The following TATDN2 variants were observed in gnomAD, a reference collection of about 807,000 sequenced individuals.
TATDN2 encodes 3'-5' RNA nuclease TATDN2.
A neutral mutation model predicts 60.3 loss-of-function variants in TATDN2; 44 were observed. That is an observed-to-expected ratio of 0.73 (90% CI 0.57 to 0.94). The LOEUF (loss-of-function observed/expected upper bound fraction) is 0.94. Among genes scored for constraint, TATDN2 ranks in the 40% least tolerant of loss-of-function variants. TATDN2 has a pLI of 0.00. For missense variants in TATDN2, 997 were observed against 948.0 expected (o/e 1.05, Z -0.68); for synonymous variants, 399 against 355.8 (o/e 1.12, Z -1.37).
intron 2 of TATDN2, among the ~76,000 whole-genome samples, chr3:10,252,073 A>G (rs1389838773): frequency 1.4e-5 from 2 of 146,654 alleles, no homozygotes; most frequent in African/African-American, 5.0e-5. Context: ...GCATGAACCC[A>G]GGAGGCAGAG....
chr3:10,261,364 T>C (rs1020531835), intron 3 of TATDN2, among the ~76,000 whole-genome samples: 3 of 121,390 alleles, frequency 2.5e-5, no homozygotes, highest in Non-Finnish European at 4.9e-5. Context: ...TCCATCTTTT[T>C]CTTTTTTTTT....
intron 4 of TATDN2, among the ~76,000 whole-genome samples, chr3:10,274,708 A>C (rs1171730500): frequency 6.6e-6 from 1 of 152,224 alleles, no homozygotes. Flanking sequence ...GCCTCTGTCA[A>C]GCAGTCTATA....
At chr3:10,259,582 A>G (rs1402853534) in intron 2 of TATDN2, among the ~76,000 whole-genome samples, 1 of 152,248 alleles carries the variant, frequency 6.6e-6, no homozygotes, top group Non-Finnish European at 1.5e-5. Context: ...ACCCTGGTGC[A>G]GTCACTGAGA....
intron 4 of TATDN2, among the ~76,000 whole-genome samples, chr3:10,272,704 A>G (rs1698584021): frequency 6.6e-6 from 1 of 152,052 alleles, no homozygotes; most frequent in African/African-American, 2.4e-5. Context: ...AGCCTGGCCA[A>G]CGTGGCGAAA....
chr3:10,259,193 C>G (rs1028461623), intron 2 of TATDN2, among the ~76,000 whole-genome samples: 1 of 151,424 alleles, frequency 6.6e-6, no homozygotes, highest in African/African-American at 2.4e-5. Flanking sequence ...GATGGGGTTT[C>G]GCCATGTTGG....
At chr3:10,256,492 T>C (rs1197677324) in intron 2 of TATDN2, among the ~76,000 whole-genome samples, 1 of 152,074 alleles carries the variant, frequency 6.6e-6, no homozygotes, top group African/African-American at 2.4e-5. Flanking sequence ...TTTTTTTTAT[T>C]GAACGCTAAA....
At chr3:10,251,447 A>G (rs1344690759) in intron 2 of TATDN2, among the ~76,000 whole-genome samples, 1 of 152,080 alleles carries the variant, frequency 6.6e-6, no homozygotes, top group Non-Finnish European at 1.5e-5. Context: ...CTGCAGTGGC[A>G]TGATCTCTGC....
chr3:10,257,093 A>G (rs1244454051), intron 2 of TATDN2, among the ~76,000 whole-genome samples: 1 of 147,524 alleles, frequency 6.8e-6, no homozygotes, highest in Admixed American at 6.7e-5. Context: ...TTAGGCCAAC[A>G]TGGTGAAACC....
intron 2 of TATDN2, among the ~76,000 whole-genome samples, chr3:10,252,855 A>AAT: frequency 8.9e-6 from 1 of 112,018 alleles, no homozygotes; most frequent in South Asian, 3.1e-4. Context: ...TGCCTGGCTA[A>AAT]TTTTTTTTTT....
rs769513602 is a variant in TATDN2 at position 10,260,618 on chromosome 3, C to T, written c.896C>T (p.Ser299Phe). 2.5e-6 allele frequency: 4 copies of T among 1,614,162 alleles called. No homozygotes were observed. Among genetic ancestry groups the T allele is most frequent in the Admixed American group, 3.3e-5 (2 of 60,018 alleles). ...CGAAGGACTGTCATTGACAAATGCT[C>T]TCCACCCCTAGAGTTCTTGGATGAC... is the stretch of plus-strand genomic sequence containing the variant. Reference protein sequence around the residue: ...GDRRTVIDKCSPPLEFLDDSD... With the variant: ...GDRRTVIDKCFPPLEFLDDSD... Residue 299 changes from serine to phenylalanine, a missense_variant, in exon 3 of 8, where the codon TCT becomes TTT. Ser to Phe is a radical substitution (Grantham distance 155). Coordinates refer to ENST00000448281, the MANE Select transcript of TATDN2 (RefSeq NM_014760.4).
intron 3 of TATDN2, among the ~76,000 whole-genome samples, chr3:10,264,920 T>G (rs1300270214): frequency 6.6e-6 from 1 of 150,874 alleles, no homozygotes; most frequent in African/African-American, 2.4e-5. Flanking sequence ...AGGTGATCTA[T>G]CCGCCTCGGC....
At chr3:10,262,051 G>GTTTTTCCTTTGGT (rs1409484622) in intron 3 of TATDN2, among the ~76,000 whole-genome samples, 3 of 152,108 alleles carry the variant, frequency 2.0e-5, no homozygotes, top group African/African-American at 7.2e-5. Context: ...TCATTACTTT[G>GTTTTTCCTTTGGT]TTTTTCCTTT....
intron 4 of TATDN2, among the ~76,000 whole-genome samples, chr3:10,273,624 G>C (rs1338505295): frequency 1.3e-5 from 2 of 151,798 alleles, no homozygotes; most frequent in African/African-American, 4.8e-5. Context: ...CCTGTGGAAG[G>C]TCTGTATCTG....
intron 2 of TATDN2, among the ~76,000 whole-genome samples, chr3:10,254,963 C>T (rs1412076017): frequency 1.3e-5 from 2 of 151,852 alleles, no homozygotes; most frequent in Non-Finnish European, 2.9e-5. Context: ...GAGTGTTTCT[C>T]ACTTTCTCTC....
chr3:10,278,938 C>G lies in TATDN2; in HGVS notation c.2199C>G (p.Val733=), dbSNP rs770348832. The change falls in exon 7 of 8, where the codon GTC becomes GTG. Residue 733 remains valine (V), a synonymous_variant. Transcript: ENST00000448281. This position sits in a 1 kb window ranked among gnomAD's most constrained non-coding sequence, Gnocchi z 4.7. ...YAHPGLALHT[V]REIARVKDQP... Reference sequence around the variant, plus strand: ...ACCCGGGCCTGGCCTTGCATACGGTCCGAGAGATTGCCAGAGTCAAAGATC... The same window carrying G: ...ACCCGGGCCTGGCCTTGCATACGGTGCGAGAGATTGCCAGAGTCAAAGATC... The G allele has an allele frequency of 6.2e-7, 1 of 1,613,622 alleles. No individual in the cohort carries two copies. The highest frequency in any genetic ancestry group is 2.2e-5 in the East Asian group (1 of 44,876).
rs1698703367 is a variant in TATDN2, at chr3:10,279,858, T to A, written c.*676T>A. 6.5e-6 allele frequency: 1 copy of A among 153,470 alleles called. No homozygotes were observed. The highest frequency in any genetic ancestry group is 2.4e-5 in the African/African-American group (1 of 41,430). 9.5% of individuals were successfully genotyped at this position (153,470 alleles called of 1,614,324 possible). A position where few individuals can be genotyped will look rare whatever the true frequency, so the allele number is the denominator to read the frequency against. On this transcript the variant is annotated 3_prime_UTR_variant, in exon 8 of 8. Transcript: ENST00000448281. Reference sequence around the variant, plus strand: ...GGTGCAGAGGAGCACTCATTGTCCATGATGGAGATCCAGGACAGACTGGGG... The same window carrying A: ...GGTGCAGAGGAGCACTCATTGTCCAAGATGGAGATCCAGGACAGACTGGGG...
At position 10,274,989 on chromosome 3, in the gene TATDN2, A is replaced by ATTTT. The variant is rs34892858; in HGVS notation, c.1834-1357_1834-1354dup. 2.3e-4 allele frequency among the ~76,000 whole-genome samples: 32 copies of ATTTT among 136,272 alleles called. 1 individual carries two copies. In the East Asian group the frequency reaches 5.4e-3, roughly 23 times the overall value. The allele number at this position is 136,272 out of a possible 152,430, so 89.4% of individuals were successfully genotyped here. ...GAGGTAATTTGCTTATAATGAATTAATTTTTTTTTTTTTTTTTTGGAGACA... is the reference window on the plus strand; with the variant it reads ...GAGGTAATTTGCTTATAATGAATTAATTTTTTTTTTTTTTTTTTTTTTGGAGACA... On this transcript the variant is annotated intron_variant, in intron 4 of 7. Coordinates refer to ENST00000448281, the MANE Select transcript of TATDN2 (RefSeq NM_014760.4).
intron 2 of TATDN2, among the ~76,000 whole-genome samples, chr3:10,259,831 C>T (rs891492962): frequency 1.3e-5 from 2 of 152,132 alleles, no homozygotes; most frequent in Non-Finnish European, 2.9e-5. Context: ...GCTGTTTTGC[C>T]TGAAGTGTAG....
chr3:10,270,528 G>A lies in TATDN2; in HGVS notation c.1346G>A (p.Arg449His), dbSNP rs1030699242. Residue 449 changes from arginine to histidine, a missense_variant, in exon 4 of 8, where the codon CGC becomes CAC. Transcript: ENST00000448281. ...TGGTCCCAGAATTCTCGTTCATTTC[G>A]CTTCTCCAGAAGCTCAGAAGAAAGA... ...EGWSQNSRSF[R>H]FSRSSEEREV... The A allele has an allele frequency of 6.8e-6, 11 of 1,614,178 alleles. No homozygotes were observed. Among genetic ancestry groups the A allele is most frequent in the Admixed American group, 1.7e-5 (1 of 60,024 alleles).
Sources: gnomAD v4.1 joint callset for allele counts (sites outside exome capture counted in the v4.1 genomes callset) on GRCh38, gnomAD v4.1.1 for gene constraint, Gnocchi (gnomAD v3.1) non-coding constraint, MANE v1.5 for transcripts, NCBI Gene and HGNC (gene_info 2026-07-23, HGNC 2026-07-21) for gene names.